CFAP299: variants seen among roughly 807,000 people sequenced by gnomAD.
CFAP299 encodes the protein cilia and flagella associated protein 299.
CFAP299 carries 21 observed loss-of-function variants against 27.0 expected under a neutral mutation model. That is an observed-to-expected ratio of 0.78 (90% CI 0.55 to 1.12). The LOEUF (loss-of-function observed/expected upper bound fraction) is 1.12, where lower values mean the gene tolerates loss of function less well. Ranked by LOEUF, CFAP299 falls within the 50% of genes most tolerant of loss-of-function variation. The pLI is 0.00. For synonymous variants in CFAP299, 104 were observed against 98.1 expected, an observed-to-expected ratio of 1.06 and a Z score of -0.36; for missense variants, 310 against 276.6, an observed-to-expected ratio of 1.12 and a Z score of -0.86.
At chr4:80,783,361 G>A (rs1216789291) in intron 3 of CFAP299, among the ~76,000 whole-genome samples, 6 of 152,062 alleles carry the variant, frequency 3.9e-5, no homozygotes, top group Non-Finnish European at 5.9e-5. Context: ...ACCATTGGGG[G>A]CCATTTTGGG....
At chr4:80,922,767 G>A (rs1453946025) in intron 4 of CFAP299, among the ~76,000 whole-genome samples, 1 of 151,106 alleles carries the variant, frequency 6.6e-6, no homozygotes, top group Admixed American at 6.6e-5. Context: ...CAAGAAAACT[G>A]AAATCACTTT....
intron 3 of CFAP299, among the ~76,000 whole-genome samples, chr4:80,728,911 A>G (rs1199911265): frequency 6.6e-6 from 1 of 152,150 alleles, no homozygotes; most frequent in Non-Finnish European, 1.5e-5. Flanking sequence ...TGCCCTTTGC[A>G]CCAATGATAT....
intron 2 of CFAP299, among the ~76,000 whole-genome samples, chr4:80,428,168 T>G (rs1727617093): frequency 6.6e-6 from 1 of 152,212 alleles, no homozygotes; most frequent in South Asian, 2.1e-4. Flanking sequence ...TTGTTACCTC[T>G]TTTGGTATCT....
intron 3 of CFAP299, among the ~76,000 whole-genome samples, chr4:80,695,626 T>A (rs1413220649): frequency 6.6e-6 from 1 of 151,920 alleles, no homozygotes; most frequent in African/African-American, 2.4e-5. Context: ...ACATATGCTC[T>A]ACTACAGTAC....
chr4:80,331,042 T>C (rs1373730585), upstream of CFAP299, among the ~76,000 whole-genome samples: 1 of 152,180 alleles, frequency 6.6e-6, no homozygotes, highest in Non-Finnish European at 1.5e-5. Flanking sequence ...CATTAGAAAG[T>C]GCTCTGGGAA....
In CFAP299 at chr4:80,798,664, A is replaced by G. The variant is rs1288122855; in HGVS notation, c.334-71329A>G. ...GACAATCTTAGCAGATTTGAGGCTC[A>G]GTATCTGCTTCTAAAGCCAGGAGTT... On this transcript the variant is annotated intron_variant, in intron 3 of 5. Transcript: ENST00000358105. 2.0e-5 allele frequency among the ~76,000 whole-genome samples: 3 copies of G among 152,100 alleles called. No individual in the cohort carries two copies. In the East Asian group the frequency reaches 5.8e-4, roughly 29 times the overall value.
intron 3 of CFAP299, among the ~76,000 whole-genome samples, chr4:80,669,108 TCTTTTC>T (rs1741300980): frequency 1.9e-4 from 1 of 5,378 alleles, no homozygotes. Context: ...ATTTCTTTTT[TCTTTTC>T]TTTTCTTTTC....
rs564142396 is a variant in CFAP299, at chr4:80,850,655, T to C, written c.334-19338T>C. 3.9e-5 allele frequency among the ~76,000 whole-genome samples: 6 copies of C among 152,130 alleles called. No individual in the cohort carries two copies. In the South Asian group the frequency reaches 1.2e-3, roughly 32 times the overall value. Reference sequence around the variant, plus strand: ...GTAGGACATCATGAGCAATTCGCAATAGTAAAAAGGTTGCACTTCAGAACT... The same window carrying C: ...GTAGGACATCATGAGCAATTCGCAACAGTAAAAAGGTTGCACTTCAGAACT... On this transcript the variant is annotated intron_variant, in intron 3 of 5. Coordinates refer to ENST00000358105, the MANE Select transcript of CFAP299 (RefSeq NM_152770.3).
chr4:80,384,104 A>G (rs1192011779), intron 2 of CFAP299, among the ~76,000 whole-genome samples: 1 of 151,996 alleles, frequency 6.6e-6, no homozygotes, highest in Non-Finnish European at 1.5e-5. Flanking sequence ...TCCTCCCAGC[A>G]TTGTTTTCAT....
At chr4:80,582,698 C>T (rs1736232605) in intron 2 of CFAP299, among the ~76,000 whole-genome samples, 2 of 151,762 alleles carry the variant, frequency 1.3e-5, no homozygotes, top group Admixed American at 6.6e-5. Flanking sequence ...CCAGTAACTG[C>T]ATAGCATAGG....
intron 1 of CFAP299, among the ~76,000 whole-genome samples, chr4:80,349,737 C>G (rs1011635641): frequency 3.9e-5 from 6 of 152,094 alleles, no homozygotes; most frequent in Non-Finnish European, 7.4e-5. Context: ...CTTACTATAA[C>G]TTGATAAGGA....
At chr4:80,790,400 C>G (rs1727488305) in intron 3 of CFAP299, 1 of 152,004 alleles carries the variant, frequency 6.6e-6, no homozygotes, top group African/African-American at 2.4e-5. Flanking sequence ...TTGAATCATG[C>G]TATGGACCGA....
At chr4:80,492,052 C>T (rs977516403) in intron 2 of CFAP299, among the ~76,000 whole-genome samples, 4 of 152,148 alleles carry the variant, frequency 2.6e-5, no homozygotes, top group Non-Finnish European at 5.9e-5. Flanking sequence ...TTATCTTAAC[C>T]GTTTTTGTCT....
At chr4:80,356,417 G>T (rs921287189) in intron 1 of CFAP299, among the ~76,000 whole-genome samples, 3 of 152,046 alleles carry the variant, frequency 2.0e-5, no homozygotes, top group Non-Finnish European at 2.9e-5. Context: ...TCTATAAATT[G>T]CTTTGGGCAG....
chr4:80,902,378 ATT>A (rs1458752577), intron 4 of CFAP299, among the ~76,000 whole-genome samples: 1 of 145,236 alleles, frequency 6.9e-6, no homozygotes, highest in Non-Finnish European at 1.5e-5. Flanking sequence ...TAGATTATAT[ATT>A]TTATAAATAT....
chr4:80,387,755 C>T lies in CFAP299; in HGVS notation c.242+24871C>T, dbSNP rs17004890. 1.8e-3 allele frequency: 2,869 copies of T among 1,588,686 alleles called. 37 individuals carry two copies. In the African/African-American group the frequency reaches 0.03, roughly 17 times the overall value. ...TGGCTTCAGATGTGCTGCTGCAGGT[C>T]GAAGTTTTTGGTGAATGACTTGTCA... On this transcript the variant is annotated intron_variant, in intron 2 of 5. Coordinates refer to ENST00000358105, the MANE Select transcript of CFAP299 (RefSeq NM_152770.3).
At position 80,912,984 on chromosome 4, in the gene CFAP299, C is replaced by T. The variant is rs187865260; in HGVS notation, c.477-31826C>T. On this transcript the variant is annotated intron_variant, in intron 4 of 5. Coordinates refer to ENST00000358105, the MANE Select transcript of CFAP299 (RefSeq NM_152770.3). Reference sequence around the variant, plus strand: ...ACAGAGGTCTTGGTCCACTCTGATTCCCCACCCAAAAAGCACTGCCTACCC... The same window carrying T: ...ACAGAGGTCTTGGTCCACTCTGATTTCCCACCCAAAAAGCACTGCCTACCC... 9.1e-4 allele frequency among the ~76,000 whole-genome samples: 138 copies of T among 152,156 alleles called. 1 individual carries two copies. The East Asian group carries it at 0.023, about 25-fold the overall frequency.
At chr4:80,666,248 C>T (rs1274874119) in intron 3 of CFAP299, among the ~76,000 whole-genome samples, 5 of 152,158 alleles carry the variant, frequency 3.3e-5, no homozygotes, top group Admixed American at 6.6e-5. Flanking sequence ...CTGCTAGTCC[C>T]TTAACTATGT....
At chr4:80,409,399 C>G (rs553824174) in intron 2 of CFAP299, among the ~76,000 whole-genome samples, 1 of 152,228 alleles carries the variant, frequency 6.6e-6, no homozygotes, top group East Asian at 1.9e-4. Context: ...TTAAAATGTA[C>G]TGGGACTCAC....
Sources: allele counts gnomAD v4.1 joint callset (sites outside exome capture counted in the v4.1 genomes callset), GRCh38; gene constraint gnomAD v4.1.1; transcripts MANE v1.5; gene names NCBI Gene and HGNC (gene_info 2026-07-23, HGNC 2026-07-21).